The following CFLAR variants were observed in gnomAD, a reference collection of about 807,000 sequenced individuals.
The protein encoded by CFLAR is CASP8 and FADD like apoptosis regulator.
CFLAR carries 14 observed loss-of-function variants against 51.1 expected under a neutral mutation model. That is an observed-to-expected ratio of 0.27 (90% CI 0.18 to 0.43). The LOEUF is 0.43. CFLAR is among the 20% of genes least tolerant of loss of function. The probability of loss-of-function intolerance (pLI) is 1.00; values close to 1 mark genes in which losing one functional copy is unlikely to be tolerated. For missense variants in CFLAR, 390 were observed against 566.5 expected, an observed-to-expected ratio of 0.69 and a Z score of 3.16; for synonymous variants, 210 against 211.6, an observed-to-expected ratio of 0.99 and a Z score of 0.06.
At position 201,140,422 on chromosome 2, in the gene CFLAR, C is replaced by T. The variant is rs941726752; in HGVS notation, c.589C>T (p.Pro197Ser). 63 of 1,605,426 alleles carry T rather than the reference C, an allele frequency of 3.9e-5. 1 individual carries two copies. The highest frequency in any genetic ancestry group is 5.2e-5 in the Non-Finnish European group (61 of 1,177,648). ...AGCAATCCAAAAGAGTCTCAAGGAT[C>T]CTTCAAATAACTTCAGGGTGAGTCT... ...QAAIQKSLKD[P>S]SNNFRLHNGR... The change falls in exon 5 of 10, where the codon CCT becomes TCT. Residue 197 changes from proline (P) to serine (S), a missense_variant. Physicochemically the swap from Pro to Ser is moderately conservative, Grantham distance 74. Around this residue, in one of 2 missense-constraint regions of CFLAR, gnomAD observed 287 missense variants for 363.6 expected, o/e 0.79. Transcript: ENST00000309955.
rs60827232 is a variant in CFLAR at position 201,142,289 on chromosome 2, A to AAAAT, written c.606+1850_606+1851insAAAT. On this transcript the variant is annotated intron_variant, in intron 5 of 9. Transcript: ENST00000309955. Reference sequence around the variant, plus strand: ...GACCTTGTCTCTAAAAGAAAAAAAAATATTATATATATATATATAAATGCT... The same window carrying AAAAT: ...GACCTTGTCTCTAAAAGAAAAAAAAAAAATTATTATATATATATATATAAATGCT... 4.6e-3 allele frequency among the ~76,000 whole-genome samples: 689 copies of AAAAT among 150,780 alleles called. 2 individuals carry two copies. The highest frequency in any genetic ancestry group is 8.8e-3 in the African/African-American group (362 of 41,194).
chr2:201,126,283 G>A (rs1227144887), intron 1 of CFLAR, among the ~76,000 whole-genome samples: 2 of 152,188 alleles, frequency 1.3e-5, no homozygotes, highest in Non-Finnish European at 2.9e-5. Flanking sequence ...AACAGTTCCA[G>A]GTGCAGGGGC....
At position 201,165,816 on chromosome 2, in the gene CFLAR, A is replaced by C. The variant is rs1943487293; in HGVS notation, c.*1843A>C. On this transcript the variant is annotated 3_prime_UTR_variant, in exon 10 of 10. Transcript: ENST00000309955. ...GCATGCTGCCTTCAAGCATCTGTTT[A>C]ACAAAGCACATCTTGCACTGCCCTT... 1 of 163,280 alleles carries C rather than the reference A, an allele frequency of 6.1e-6. No homozygotes were observed. The highest frequency in any genetic ancestry group is 1.3e-5 in the Non-Finnish European group (1 of 75,098). 10.1% of individuals were successfully genotyped at this position (163,280 alleles called of 1,614,324 possible).
rs116241032 is a variant in CFLAR, at chr2:201,138,081, C to T, written c.523+1974C>T. On this transcript the variant is annotated intron_variant, in intron 4 of 9. Transcript: ENST00000309955. The surrounding 1 kb of genome is among the most constrained non-coding windows in gnomAD (Gnocchi z 4.0). Reference sequence around the variant, plus strand: ...TTCCTGGTTGATGTAGATGGAGCCGCGCAGTCCATGCCCCTGCCCAGCCCA... The same window carrying T: ...TTCCTGGTTGATGTAGATGGAGCCGTGCAGTCCATGCCCCTGCCCAGCCCA... 1,638 of 735,976 alleles carry T rather than the reference C, an allele frequency of 2.2e-3. 27 individuals carry two copies. The African/African-American group carries it at 0.025, about 11-fold the overall frequency. The allele number at this position is 735,976 out of a possible 1,614,324, so 45.6% of individuals were successfully genotyped here.
chr2:201,136,700 G>C, intron 4 of CFLAR: 1 of 726,952 alleles, frequency 1.4e-6, no homozygotes, highest in South Asian at 2.0e-5. Context: ...TAAAGGGCAT[G>C]GCTGAGACTC....
intron 8 of CFLAR, chr2:201,153,360 GCA>G (rs1351830595): frequency 6.6e-6 from 1 of 152,212 alleles, no homozygotes; most frequent in Non-Finnish European, 1.5e-5. Flanking sequence ...AAGTGGAAAG[GCA>G]CAGTCTCCTC....
chr2:201,164,094 G>C lies in CFLAR; in HGVS notation c.*121G>C. ...CAGCCTGGCCAACATGGTAAACGCTGTCCCTAGTAAAAATACAAAAATTAG... is the reference window on the plus strand; with the variant it reads ...CAGCCTGGCCAACATGGTAAACGCTCTCCCTAGTAAAAATACAAAAATTAG... On this transcript the variant is annotated 3_prime_UTR_variant, in exon 10 of 10. Transcript: ENST00000309955. 1.4e-6 allele frequency: 1 copy of C among 698,446 alleles called. No homozygotes were observed. The highest frequency in any genetic ancestry group is 2.2e-5 in the South Asian group (1 of 45,860). 43.3% of individuals were successfully genotyped at this position (698,446 alleles called of 1,614,324 possible). A position where few individuals can be genotyped will look rare whatever the true frequency, so the allele number is the denominator to read the frequency against.
intron 1 of CFLAR, among the ~76,000 whole-genome samples, chr2:201,126,324 G>A (rs2048706633): frequency 6.6e-6 from 1 of 152,154 alleles, no homozygotes; most frequent in African/African-American, 2.4e-5. Flanking sequence ...ATAGACGCGG[G>A]GCTTTGGGCG....
At chr2:201,134,037 G>T (rs191607094) in intron 3 of CFLAR, among the ~76,000 whole-genome samples, 2 of 151,260 alleles carry the variant, frequency 1.3e-5, no homozygotes. Context: ...GGCCAGGCAC[G>T]GTGGCTCACG....
chr2:201,132,889 T>C, intron 2 of CFLAR, 140 bp from the exon 3 acceptor site: 1 of 735,080 alleles, frequency 1.4e-6, no homozygotes, highest in South Asian at 2.5e-5. Flanking sequence ...CTAGGCTTGC[T>C]GTTTTATGAG....
chr2:201,137,345 C>T (rs1575693533), intron 4 of CFLAR: 1 of 337,210 alleles, frequency 3.0e-6, no homozygotes, highest in Non-Finnish European at 5.8e-6. Context: ...GCAGGGGATG[C>T]CCAGCAAGGG....
chr2:201,138,641 G>C lies in CFLAR; in HGVS notation c.524-1716G>C. 7.3e-7 allele frequency: 1 copy of C among 1,362,212 alleles called. No individual in the cohort carries two copies. The highest frequency in any genetic ancestry group is 1.4e-5 in the African/African-American group (1 of 70,280). The allele number at this position is 1,362,212 out of a possible 1,614,324, so 84.4% of individuals were successfully genotyped here. On this transcript the variant is annotated intron_variant, in intron 4 of 9. Transcript: ENST00000309955. This position sits in a 1 kb window ranked among gnomAD's most constrained non-coding sequence, Gnocchi z 4.0. Reference sequence around the variant, plus strand: ...CCGTCTCAGTGATGGGGATGCCAGAGAAGCCATGACGCATCTTGGCCTCCA... The same window carrying C: ...CCGTCTCAGTGATGGGGATGCCAGACAAGCCATGACGCATCTTGGCCTCCA...
intron 5 of CFLAR, among the ~76,000 whole-genome samples, chr2:201,144,675 C>A (rs1939735902): frequency 6.6e-6 from 1 of 152,132 alleles, no homozygotes; most frequent in Non-Finnish European, 1.5e-5. Flanking sequence ...CGACTCTTAA[C>A]CATGCTGTAC....
rs534234498 is a variant in CFLAR, at chr2:201,172,086, C to T, written c.*8113C>T. On this transcript the variant is annotated 3_prime_UTR_variant, in exon 10 of 10. Transcript: ENST00000309955. Reference sequence around the variant, plus strand: ...CAAGCCTTCTTTTCATTTTATATCTCATGCTGTAATTCTTGGAAAGTATGC... The same window carrying T: ...CAAGCCTTCTTTTCATTTTATATCTTATGCTGTAATTCTTGGAAAGTATGC... 1 of 152,180 alleles carries T rather than the reference C, an allele frequency of 6.6e-6. No homozygotes were observed. The highest frequency in any genetic ancestry group is 2.4e-5 in the African/African-American group (1 of 41,436). The allele number at this position is 152,180 out of a possible 1,614,324, so 9.4% of individuals were successfully genotyped here.
At chr2:201,147,729 G>A (rs1940501659) in intron 6 of CFLAR, 3 of 150,718 alleles carry the variant, frequency 2.0e-5, no homozygotes, top group African/African-American at 4.9e-5. Flanking sequence ...TTAGCCAGGT[G>A]TGGTGGCACA....
At chr2:201,146,850 C>A (rs1940292634) in intron 6 of CFLAR, 1 of 152,234 alleles carries the variant, frequency 6.6e-6, no homozygotes, top group Non-Finnish European at 1.5e-5. Context: ...AGTCTTTGTG[C>A]TATCTGCACC....
At chr2:201,153,024 C>T (rs1488049852) in intron 8 of CFLAR, 1 of 152,218 alleles carries the variant, frequency 6.6e-6, no homozygotes, top group Non-Finnish European at 1.5e-5. Flanking sequence ...CCTGGTCAGA[C>T]ATAGTCCTTT....
rs1575735498 is a variant in CFLAR at position 201,140,429 on chromosome 2, A to G, written c.596A>G (p.Asn199Ser). ...AIQKSLKDPSNNFRLHNGRSK... is the reference protein window; with the variant it reads ...AIQKSLKDPSSNFRLHNGRSK... ...CAAAAGAGTCTCAAGGATCCTTCAA[A>G]TAACTTCAGGGTGAGTCTGGAGAAA... Residue 199 changes from asparagine to serine, a missense_variant, in exon 5 of 10, where the codon AAT (asparagine) becomes AGT (serine). Asn to Ser is a conservative substitution (Grantham distance 46). Around this residue, in one of 2 missense-constraint regions of CFLAR, gnomAD observed 287 missense variants for 363.6 expected, o/e 0.79. Coordinates refer to ENST00000309955, the MANE Select transcript of CFLAR (RefSeq NM_003879.7). 1.9e-6 allele frequency: 3 copies of G among 1,602,976 alleles called. No individual in the cohort carries two copies. Among genetic ancestry groups the G allele is most frequent in the Admixed American group, 3.5e-5 (2 of 57,096 alleles).
At chr2:201,120,925 A>T (rs1290040968) in intron 1 of CFLAR, among the ~76,000 whole-genome samples, 4 of 152,206 alleles carry the variant, frequency 2.6e-5, no homozygotes, top group Non-Finnish European at 5.9e-5. Context: ...CTGCAACAAT[A>T]ACCACAACTT....
Sources: allele counts gnomAD v4.1 joint callset (sites outside exome capture counted in the v4.1 genomes callset), GRCh38; gene constraint gnomAD v4.1.1; regional missense constraint gnomAD v4.1.1; non-coding constraint Gnocchi (gnomAD v3.1); transcripts MANE v1.5; gene names NCBI Gene and HGNC (gene_info 2026-07-23, HGNC 2026-07-21).